GALM: variants seen among roughly 807,000 people sequenced by gnomAD.
GALM encodes the protein aldose 1-epimerase.
A neutral mutation model predicts 37.4 loss-of-function variants in GALM; 43 were observed. The observed-to-expected ratio is 1.15, with a 90% CI of 0.90 to 1.48. The LOEUF (loss-of-function observed/expected upper bound fraction) is 1.48. Ranked by LOEUF, GALM falls within the 40% of genes most tolerant of loss-of-function variation. GALM has a pLI of 0.00. For synonymous variants in GALM, 199 were observed against 170.6 expected (o/e 1.17, Z -1.30); for missense variants, 456 against 419.1 (o/e 1.09, Z -0.77).
At chr2:38,720,305 T>C (rs575477983) in intron 4 of GALM, among the ~76,000 whole-genome samples, 1 of 150,650 alleles carries the variant, frequency 6.6e-6, no homozygotes, top group South Asian at 2.1e-4. Context: ...ACATAGAAAA[T>C]GCTCAAAAAT....
intron 4 of GALM, among the ~76,000 whole-genome samples, chr2:38,694,558 T>C (rs1665756268): frequency 6.6e-6 from 1 of 151,804 alleles, no homozygotes; most frequent in African/African-American, 2.4e-5. Flanking sequence ...TTCTTGAAAT[T>C]AAAGAGCATG....
chr2:38,679,358 C>G (rs1470527915), intron 2 of GALM, among the ~76,000 whole-genome samples: 1 of 121,676 alleles, frequency 8.2e-6, no homozygotes, highest in African/African-American at 3.3e-5. Flanking sequence ...CTCCCCACCG[C>G]CCCCGACACA....
At chr2:38,684,764 G>A (rs189329415) in intron 3 of GALM, among the ~76,000 whole-genome samples, 8 of 152,226 alleles carry the variant, frequency 5.3e-5, no homozygotes, top group African/African-American at 7.2e-5. Flanking sequence ...CCAAGATTGC[G>A]CCACTGGACT....
chr2:38,728,635 A>C (rs188004785), intron 4 of GALM, among the ~76,000 whole-genome samples: 52 of 152,364 alleles, frequency 3.4e-4, no homozygotes, highest in African/African-American at 1.2e-3. Context: ...CACTGAGCTG[A>C]GATCGCGCCA....
intron 4 of GALM, among the ~76,000 whole-genome samples, chr2:38,706,511 CAA>C (rs1219516280): frequency 0.011 from 731 of 68,494 alleles, 6 homozygotes; most frequent in African/African-American, 0.036. Flanking sequence ...CCCATCTCTA[CAA>C]AAAAAAAAAA....
At chr2:38,692,171 C>A (rs1383826715) in intron 4 of GALM, among the ~76,000 whole-genome samples, 1 of 152,160 alleles carries the variant, frequency 6.6e-6, no homozygotes, top group Non-Finnish European at 1.5e-5. Flanking sequence ...TCCTACCTAT[C>A]CATACTTGAG....
At chr2:38,667,040 A>T (rs1664961030) in intron 1 of GALM, among the ~76,000 whole-genome samples, 1 of 152,220 alleles carries the variant, frequency 6.6e-6, no homozygotes, top group Non-Finnish European at 1.5e-5. Context: ...CAGGACAGAC[A>T]AGGTCCCCAC....
chr2:38,724,435 T>C (rs982423204), intron 4 of GALM, among the ~76,000 whole-genome samples: 3 of 152,194 alleles, frequency 2.0e-5, no homozygotes, highest in East Asian at 1.9e-4. Flanking sequence ...GAACGATCAA[T>C]TGGACTTTGC....
At chr2:38,670,089 C>T (rs1665053760) in intron 1 of GALM, among the ~76,000 whole-genome samples, 2 of 151,846 alleles carry the variant, frequency 1.3e-5, no homozygotes, top group African/African-American at 4.8e-5. Context: ...GTCTCAAACT[C>T]CTGACCTCAA....
At chr2:38,672,103 A>C (rs2148424202) in intron 1 of GALM, among the ~76,000 whole-genome samples, 1 of 151,430 alleles carries the variant, frequency 6.6e-6, no homozygotes, top group East Asian at 1.9e-4. Context: ...TCTTATCTTC[A>C]TGACGTGATT....
At chr2:38,730,177 C>G (rs1666573855) in intron 5 of GALM, among the ~76,000 whole-genome samples, 1 of 152,242 alleles carries the variant, frequency 6.6e-6, no homozygotes, top group Admixed American at 6.5e-5. Context: ...CATGCCATTT[C>G]ATCTTTGTGA....
intron 4 of GALM, among the ~76,000 whole-genome samples, chr2:38,723,131 G>T (rs1173323412): frequency 6.6e-6 from 1 of 152,078 alleles, no homozygotes; most frequent in Non-Finnish European, 1.5e-5. Flanking sequence ...AGATAAATAG[G>T]GCACAATTCT....
At chr2:38,683,492 GC>G (rs1665448099) in intron 3 of GALM, among the ~76,000 whole-genome samples, 1 of 151,978 alleles carries the variant, frequency 6.6e-6, no homozygotes, top group Admixed American at 6.6e-5. Flanking sequence ...AATCTGGAAT[GC>G]TCCAGTGACT....
intron 4 of GALM, among the ~76,000 whole-genome samples, chr2:38,721,565 G>A (rs983744089): frequency 6.6e-6 from 1 of 152,166 alleles, no homozygotes; most frequent in Non-Finnish European, 1.5e-5. Context: ...CCAGGCTGGA[G>A]TGCAGTGGCA....
rs1664940616 is a variant in GALM, at chr2:38,666,475, T to C, written c.190+124T>C. 4.3e-6 allele frequency: 3 copies of C among 705,416 alleles called. No homozygotes were observed. The South Asian group carries it at 5.8e-5, about 14-fold the overall frequency. 43.7% of individuals were successfully genotyped at this position (705,416 alleles called of 1,614,324 possible). On this transcript the variant is annotated intron_variant, in intron 1 of 6. Coordinates refer to ENST00000272252, the MANE Select transcript of GALM (RefSeq NM_138801.3). Reference sequence around the variant, plus strand: ...GAAAGTCGCCTAGCTTGGGACCGTCTGACTTGCAAGCGCATGCATCATAGA... The same window carrying C: ...GAAAGTCGCCTAGCTTGGGACCGTCCGACTTGCAAGCGCATGCATCATAGA...
At chr2:38,717,304 G>GGAGT (rs1223762043) in intron 4 of GALM, among the ~76,000 whole-genome samples, 2 of 107,826 alleles carry the variant, frequency 1.9e-5, no homozygotes, top group Non-Finnish European at 3.7e-5. Flanking sequence ...CTGTATTAAG[G>GGAGT]GAGTGTGTGT....
intron 4 of GALM, among the ~76,000 whole-genome samples, chr2:38,702,981 G>A (rs1456874514): frequency 1.7e-5 from 2 of 120,020 alleles, no homozygotes; most frequent in African/African-American, 3.2e-5. Flanking sequence ...AATTAGCTGG[G>A]CATGGTGGGG....
intron 3 of GALM, among the ~76,000 whole-genome samples, chr2:38,682,764 C>T (rs1420816772): frequency 6.6e-6 from 1 of 151,944 alleles, no homozygotes; most frequent in Non-Finnish European, 1.5e-5. Context: ...GGCATGGTAG[C>T]GTGGGCCTGT....
intron 1 of GALM, among the ~76,000 whole-genome samples, chr2:38,667,055 G>C (rs889576971): frequency 2.6e-5 from 4 of 152,140 alleles, no homozygotes; most frequent in African/African-American, 9.7e-5. Flanking sequence ...CCCCACTCTT[G>C]CGGTTTGGCT....
Sources: allele counts gnomAD v4.1 joint callset (sites outside exome capture counted in the v4.1 genomes callset), GRCh38; gene constraint gnomAD v4.1.1; transcripts MANE v1.5; gene names NCBI Gene and HGNC (gene_info 2026-07-23, HGNC 2026-07-21).